Variants in MARCHF3 observed in about 807,000 individuals in gnomAD.
The protein encoded by MARCHF3 is E3 ubiquitin-protein ligase MARCHF3.
A neutral mutation model predicts 24.2 loss-of-function variants in MARCHF3; 13 were observed. The ratio of observed to expected loss-of-function variants is 0.54; its 90% confidence interval spans 0.35 to 0.85. The LOEUF (loss-of-function observed/expected upper bound fraction) is 0.85, where lower values mean the gene tolerates loss of function less well. Ranked by LOEUF, MARCHF3 falls within the 40% of genes least tolerant of loss-of-function variation. The probability of loss-of-function intolerance (pLI) is 0.01; values close to 1 mark genes in which losing one functional copy is unlikely to be tolerated. For synonymous variants in MARCHF3, 144 were observed against 137.3 expected (o/e 1.05, Z -0.34); for missense variants, 276 against 325.0 (o/e 0.85, Z 1.16).
intron 1 of MARCHF3, among the ~76,000 whole-genome samples, chr5:126,927,880 A>G (rs572842866): frequency 6.6e-6 from 1 of 152,196 alleles, no homozygotes; most frequent in Non-Finnish European, 1.5e-5. Context: ...GATAGAAACA[A>G]AAACAACTTT....
intron 1 of MARCHF3, among the ~76,000 whole-genome samples, chr5:126,933,298 G>A (rs989753455): frequency 6.6e-6 from 1 of 152,126 alleles, no homozygotes; most frequent in African/African-American, 2.4e-5. Context: ...TGATGATAGT[G>A]CATATATACA....
chr5:126,970,073 T>C (rs1272742312), intron 1 of MARCHF3, among the ~76,000 whole-genome samples: 1 of 151,790 alleles, frequency 6.6e-6, no homozygotes, highest in Non-Finnish European at 1.5e-5. Flanking sequence ...CTTTTTCTTC[T>C]TCTTTTTTCT....
At chr5:126,873,593 C>G (rs1277251153) in intron 4 of MARCHF3, among the ~76,000 whole-genome samples, 7 of 152,036 alleles carry the variant, frequency 4.6e-5, no homozygotes, top group African/African-American at 1.4e-4. Context: ...CCAGGTGATC[C>G]GCATGTGCAT....
chr5:127,011,895 C>A (rs183168994), intron 1 of MARCHF3, among the ~76,000 whole-genome samples: 1 of 152,316 alleles, frequency 6.6e-6, no homozygotes, highest in East Asian at 1.9e-4. Context: ...CAGCTCAATT[C>A]TTTTGCCTAA....
chr5:126,903,298 A>T (rs1026258096), intron 3 of MARCHF3, among the ~76,000 whole-genome samples: 1 of 149,128 alleles, frequency 6.7e-6, no homozygotes, highest in African/African-American at 2.6e-5. Flanking sequence ...GGAAATAGAG[A>T]GAGCATGTCC....
chr5:126,996,642 G>A (rs982290936), intron 1 of MARCHF3, among the ~76,000 whole-genome samples: 1 of 152,018 alleles, frequency 6.6e-6, no homozygotes, highest in Non-Finnish European at 1.5e-5. Flanking sequence ...TAATCCCTTT[G>A]AGGAGTGGTA....
chr5:126,995,059 G>A (rs1378722775), intron 1 of MARCHF3, among the ~76,000 whole-genome samples: 1 of 152,230 alleles, frequency 6.6e-6, no homozygotes, highest in Admixed American at 6.5e-5. Flanking sequence ...TGCCCACCCA[G>A]ATTGAAGGTG....
intron 1 of MARCHF3, among the ~76,000 whole-genome samples, chr5:126,952,101 C>T (rs930806737): frequency 3.3e-5 from 5 of 152,164 alleles, no homozygotes; most frequent in Non-Finnish European, 7.3e-5. Flanking sequence ...ATCACCTTGG[C>T]CTCCCAAAGT....
chr5:127,005,366 T>TG (rs1406948631), intron 1 of MARCHF3, among the ~76,000 whole-genome samples: 3 of 151,900 alleles, frequency 2.0e-5, no homozygotes, highest in African/African-American at 7.3e-5. Context: ...GAACTCCTGG[T>TG]GTCAAGTGAT....
intron 1 of MARCHF3, among the ~76,000 whole-genome samples, chr5:126,967,526 C>G (rs1258549402): frequency 2.0e-5 from 3 of 152,140 alleles, no homozygotes; most frequent in Non-Finnish European, 2.9e-5. Flanking sequence ...AACCCCATCT[C>G]TACTAAAAAT....
intron 1 of MARCHF3, among the ~76,000 whole-genome samples, chr5:126,943,332 C>T (rs1749895507): frequency 6.6e-6 from 1 of 151,772 alleles, no homozygotes; most frequent in Non-Finnish European, 1.5e-5. Flanking sequence ...AATCCCAGCA[C>T]CTTGGGAGGC....
At chr5:126,939,525 G>A (rs912363844) in intron 1 of MARCHF3, among the ~76,000 whole-genome samples, 1 of 152,166 alleles carries the variant, frequency 6.6e-6, no homozygotes, top group Non-Finnish European at 1.5e-5. Flanking sequence ...CAGAACCATA[G>A]TATCTGAGAA....
chr5:126,975,913 A>G (rs1056977844), intron 1 of MARCHF3, among the ~76,000 whole-genome samples: 1 of 152,174 alleles, frequency 6.6e-6, no homozygotes, highest in Non-Finnish European at 1.5e-5. Flanking sequence ...TCTCTTTGCC[A>G]TATCATATTC....
rs182823768 is a variant in MARCHF3, at chr5:126,933,539, G to T, written c.-56-15312C>A. ...GGCTCACTGCAAGCTCCGCCTCCTG[G>T]GTTCACGCCATTCTCCTGCATAAGC... On this transcript the variant is annotated intron_variant, in intron 1 of 4. Transcript: ENST00000308660. Among the ~76,000 whole-genome samples the T allele has an allele frequency of 4.9e-4, 75 of 151,728 alleles. 1 individual carries two copies. In the East Asian group the frequency reaches 0.014, roughly 29 times the overall value.
chr5:126,895,955 A>G (rs573165945), intron 3 of MARCHF3, among the ~76,000 whole-genome samples: 2 of 152,196 alleles, frequency 1.3e-5, no homozygotes, highest in Non-Finnish European at 2.9e-5. Context: ...TGTGCTAGCA[A>G]TCAGCGAGAA....
chr5:126,982,175 T>C (rs1751416520), intron 1 of MARCHF3, among the ~76,000 whole-genome samples: 1 of 152,220 alleles, frequency 6.6e-6, no homozygotes, highest in Non-Finnish European at 1.5e-5. Context: ...TGTGCTAGAA[T>C]AACTCTCTAT....
chr5:126,986,133 A>G (rs917809268), intron 1 of MARCHF3, among the ~76,000 whole-genome samples: 3 of 152,248 alleles, frequency 2.0e-5, no homozygotes, highest in African/African-American at 7.2e-5. Flanking sequence ...AGAGCGCAGA[A>G]GTAGGAGTCA....
chr5:126,945,046 G>C (rs1299054799), intron 1 of MARCHF3, among the ~76,000 whole-genome samples: 2 of 151,936 alleles, frequency 1.3e-5, no homozygotes, highest in Non-Finnish European at 2.9e-5. Context: ...ATTTGCTGAG[G>C]AGATACACAA....
chr5:126,889,796 A>G (rs1376093450), intron 3 of MARCHF3, among the ~76,000 whole-genome samples: 4 of 152,212 alleles, frequency 2.6e-5, no homozygotes, highest in Non-Finnish European at 5.9e-5. Context: ...GCAGCGGCTT[A>G]AGTTCATGCA....
Sources: allele counts gnomAD v4.1 joint callset (sites outside exome capture counted in the v4.1 genomes callset), GRCh38; gene constraint gnomAD v4.1.1; transcripts MANE v1.5; gene names NCBI Gene and HGNC (gene_info 2026-07-23, HGNC 2026-07-21).